TCEA3: variants seen among roughly 807,000 people sequenced by gnomAD.
TCEA3 encodes the protein transcription elongation factor A3.
Under a neutral mutation model 44.0 loss-of-function variants are expected in TCEA3, and 36 were observed. That is an observed-to-expected ratio of 0.82 (90% confidence interval 0.63 to 1.08). TCEA3 has a LOEUF of 1.08. Among genes scored for constraint, TCEA3 ranks in the 50% least tolerant of loss-of-function variants. The pLI is 0.00. For synonymous variants in TCEA3, 162 were observed against 159.7 expected (o/e 1.01, Z -0.11); for missense variants, 392 against 441.2 (o/e 0.89, Z 1.00).
intron 7 of TCEA3, among the ~76,000 whole-genome samples, chr1:23,395,217 G>A (rs1186932095): frequency 6.6e-6 from 1 of 152,224 alleles, no homozygotes; most frequent in South Asian, 2.1e-4. Context: ...GTTTTAAAAT[G>A]TACCACTTGG....
At chr1:23,419,488 T>G (rs1639995152) in intron 1 of TCEA3, 4 of 192,808 alleles carry the variant, frequency 2.1e-5, no homozygotes, top group African/African-American at 4.6e-5. Flanking sequence ...GTCCTTCCCT[T>G]ACCTCCCCAC....
chr1:23,394,436 T>C (rs1251494635), intron 7 of TCEA3, among the ~76,000 whole-genome samples: 5 of 152,152 alleles, frequency 3.3e-5, no homozygotes, highest in African/African-American at 1.2e-4. Context: ...ATATATCAAA[T>C]GCTCAACATG....
At chr1:23,387,895 C>G (rs1030733720) in intron 8 of TCEA3, among the ~76,000 whole-genome samples, 1 of 152,188 alleles carries the variant, frequency 6.6e-6, no homozygotes, top group Non-Finnish European at 1.5e-5. Flanking sequence ...CTACCCATGA[C>G]TTGCTGCTGC....
chr1:23,401,551 G>A (rs963780659), intron 5 of TCEA3, among the ~76,000 whole-genome samples: 2 of 152,064 alleles, frequency 1.3e-5, no homozygotes, highest in Admixed American at 6.5e-5. Context: ...GAACTCGCGG[G>A]GCTGTTGGCA....
chr1:23,385,108 C>G (rs1024668336), intron 9 of TCEA3, among the ~76,000 whole-genome samples: 2 of 152,182 alleles, frequency 1.3e-5, no homozygotes, highest in East Asian at 1.9e-4. Context: ...TTAGCCTCAT[C>G]ATTCAGGTGC....
At chr1:23,391,361 G>C (rs1354433916) in intron 8 of TCEA3, among the ~76,000 whole-genome samples, 1 of 150,904 alleles carries the variant, frequency 6.6e-6, no homozygotes, top group Non-Finnish European at 1.5e-5. Flanking sequence ...GCCTCCCAAA[G>C]TGCTGGGATT....
intron 9 of TCEA3, among the ~76,000 whole-genome samples, chr1:23,386,727 T>C (rs918303031): frequency 6.8e-6 from 1 of 146,358 alleles, no homozygotes; most frequent in African/African-American, 2.8e-5. Context: ...CTGGCTAATT[T>C]TTTTTTTCTT....
rs1398594622 is a variant in TCEA3, at chr1:23,393,874, C to G, written c.819+5G>C. 9 of 1,612,816 alleles carry G rather than the reference C, an allele frequency of 5.6e-6. No homozygotes were observed. The highest frequency in any genetic ancestry group is 1.1e-5 in the South Asian group (1 of 91,062). On this transcript the variant is annotated splice_donor_5th_base_variant and intron_variant, in intron 8 of 10. Coordinates refer to ENST00000450454, the MANE Select transcript of TCEA3 (RefSeq NM_003196.3). ...TGCCTCACCATGCAGATGCCCTGCT[C>G]TCACCTCTGCCGTCATCTTGGCTAT...
chr1:23,412,541 A>T (rs1420968050), intron 4 of TCEA3, among the ~76,000 whole-genome samples: 1 of 147,712 alleles, frequency 6.8e-6, no homozygotes, highest in Non-Finnish European at 1.5e-5. Context: ...CTTCTCTACT[A>T]AAAAAAAAAT....
chr1:23,397,956 C>T lies in TCEA3; in HGVS notation c.444-1G>A, dbSNP rs1639271928. 1.9e-6 allele frequency: 3 copies of T among 1,613,596 alleles called. No individual in the cohort carries two copies. Among genetic ancestry groups the T allele is most frequent in the Non-Finnish European group, 2.5e-6 (3 of 1,179,752 alleles). ...CGCTTTTGATTTGCTGCTGTTTGAT[C>T]TGAGGATGACAATAAGTAACAGACA... On this transcript the variant is annotated splice_acceptor_variant, in intron 5 of 10. Coordinates refer to ENST00000450454, the MANE Select transcript of TCEA3 (RefSeq NM_003196.3). LOFTEE classifies it high-confidence loss of function.
At chr1:23,419,705 G>A (rs1197269551) in intron 1 of TCEA3, among the ~76,000 whole-genome samples, 1 of 152,196 alleles carries the variant, frequency 6.6e-6, no homozygotes, top group East Asian at 1.9e-4. Flanking sequence ...GCGTGGTGGC[G>A]CATGCCTGTA....
chr1:23,420,964 C>A (rs767901394), intron 1 of TCEA3, among the ~76,000 whole-genome samples: 4 of 152,146 alleles, frequency 2.6e-5, no homozygotes, highest in African/African-American at 4.8e-5. Flanking sequence ...ATCCTTGGCC[C>A]ACAGTTCATG....
At chr1:23,410,694 C>T (rs1351996323) in intron 4 of TCEA3, 2 of 152,046 alleles carry the variant, frequency 1.3e-5, no homozygotes, top group South Asian at 2.1e-4. Flanking sequence ...CCCAGCTACT[C>T]GGAGGCTGAG....
At chr1:23,406,246 C>T (rs562090692) in intron 5 of TCEA3, among the ~76,000 whole-genome samples, 14 of 152,296 alleles carry the variant, frequency 9.2e-5, no homozygotes, top group African/African-American at 3.1e-4. Flanking sequence ...AGCCTAGGCC[C>T]GTTGAATCTT....
At chr1:23,409,203 T>C (rs974760134) in intron 4 of TCEA3, among the ~76,000 whole-genome samples, 2 of 152,036 alleles carry the variant, frequency 1.3e-5, no homozygotes, top group Non-Finnish European at 2.9e-5. Context: ...ATAGAAGAGC[T>C]GAGTTAAAAT....
At chr1:23,408,378 C>T (rs1363650240) in intron 5 of TCEA3, among the ~76,000 whole-genome samples, 33 of 152,284 alleles carry the variant, frequency 2.2e-4, no homozygotes, top group Admixed American at 2.2e-3. Flanking sequence ...AGGAGCCACA[C>T]CCCTGATTCG....
rs11554107 is a variant in TCEA3, at chr1:23,410,866, A to G, written c.381-2140T>C. ...AGACCTGTATTACAGGTACTTCATC[A>G]GTTTGTAAGGCATGAGTCCAAAACA... is the stretch of plus-strand genomic sequence containing the variant. On this transcript the variant is annotated intron_variant, in intron 4 of 10. Coordinates refer to ENST00000450454, the MANE Select transcript of TCEA3 (RefSeq NM_003196.3). 92 of 156,824 alleles carry G rather than the reference A, an allele frequency of 5.9e-4. No individual in the cohort carries two copies. In the South Asian group the frequency reaches 7.9e-3, roughly 14 times the overall value. 9.7% of individuals were successfully genotyped at this position (156,824 alleles called of 1,614,324 possible).
chr1:23,413,303 A>AT (rs886465336), intron 4 of TCEA3, among the ~76,000 whole-genome samples: 4 of 150,388 alleles, frequency 2.7e-5, no homozygotes, highest in East Asian at 1.9e-4. Context: ...CGCCCGGCTA[A>AT]TTTTTTTTTA....
rs367701164 is a variant in TCEA3, at chr1:23,384,332, A to T, written c.1038+14T>A. 1 of 1,613,800 alleles carries T rather than the reference A, an allele frequency of 6.2e-7. No homozygotes were observed. Among genetic ancestry groups the T allele is most frequent in the Non-Finnish European group, 8.5e-7 (1 of 1,179,866 alleles). The stretch of plus-strand genomic sequence containing the variant: ...TGGATAACAGGGAAGGGGGAAATAC[A>T]TAAACATACAGACCTTCCAGCGATT... On this transcript the variant is annotated intron_variant, in intron 10 of 10. Coordinates refer to ENST00000450454, the MANE Select transcript of TCEA3 (RefSeq NM_003196.3).
Sources: gnomAD v4.1 joint callset for allele counts (sites outside exome capture counted in the v4.1 genomes callset) on GRCh38, gnomAD v4.1.1 for gene constraint, MANE v1.5 for transcripts, NCBI Gene and HGNC (gene_info 2026-07-23, HGNC 2026-07-21) for gene names.